PITPNM3: variants seen among roughly 807,000 people sequenced by gnomAD.
PITPNM3 encodes the protein membrane-associated phosphatidylinositol transfer protein 3.
Under a neutral mutation model 102.0 loss-of-function variants are expected in PITPNM3, and 26 were observed. The ratio of observed to expected loss-of-function variants is 0.25; its 90% CI spans 0.19 to 0.35. The LOEUF is 0.35. Ranked by LOEUF, PITPNM3 falls within the 10% of genes least tolerant of loss-of-function variation. PITPNM3 has a pLI of 1.00. For synonymous variants in PITPNM3, 578 were observed against 558.6 expected, an observed-to-expected ratio of 1.03 and a Z score of -0.49; for missense variants, 1,083 against 1,346.1, an observed-to-expected ratio of 0.80 and a Z score of 3.06.
chr17:6,548,376 G>A (rs377323898), intron 1 of PITPNM3, among the ~76,000 whole-genome samples: 4 of 152,160 alleles, frequency 2.6e-5, no homozygotes, highest in South Asian at 2.1e-4. Context: ...GCTGCGAGGG[G>A]TAAACACACA....
In PITPNM3 at chr17:6,460,947, GC is replaced by G. The variant is rs201859783; in HGVS notation, c.2490+425del. 1.7e-3 allele frequency: 505 copies of G among 292,956 alleles called. 4 individuals carry two copies. Among genetic ancestry groups the G allele is most frequent in the African/African-American group, 0.01 (471 of 45,236 alleles). The allele number at this position is 292,956 out of a possible 1,614,324, so 18.1% of individuals were successfully genotyped here. Reference sequence around the variant, plus strand: ...CCTGGTGCTGCTAGTGGGAACCATAGCTTCGGTCATGGAAAGCACATCTGGG... The same window carrying G: ...CCTGGTGCTGCTAGTGGGAACCATAGTTCGGTCATGGAAAGCACATCTGGG... On this transcript the variant is annotated intron_variant, in intron 18 of 19. Coordinates refer to ENST00000262483, the MANE Select transcript of PITPNM3 (RefSeq NM_031220.4).
chr17:6,497,381 C>A (rs1056068656), intron 4 of PITPNM3, among the ~76,000 whole-genome samples: 7 of 152,192 alleles, frequency 4.6e-5, no homozygotes, highest in African/African-American at 1.7e-4. Flanking sequence ...GTGAGCTGAG[C>A]CATCTACATC....
intron 4 of PITPNM3, among the ~76,000 whole-genome samples, chr17:6,496,306 C>G (rs906564717): frequency 6.6e-6 from 1 of 152,160 alleles, no homozygotes; most frequent in Non-Finnish European, 1.5e-5. Flanking sequence ...CCTCTCCAGG[C>G]TTCTCTTATC....
At chr17:6,460,525 T>C (rs992759064) in intron 18 of PITPNM3, 2 of 152,330 alleles carry the variant, frequency 1.3e-5, no homozygotes, top group African/African-American at 4.8e-5. Context: ...TGCTGTTGTA[T>C]TGCAAAAGCA....
chr17:6,470,357 G>T lies in PITPNM3; in HGVS notation c.1676C>A (p.Pro559His). The T allele has an allele frequency of 6.2e-7, 1 of 1,614,190 alleles. No individual in the cohort carries two copies. The change falls in exon 13 of 20, where the codon CCT becomes CAT. Residue 559 changes from proline to histidine, a missense_variant. Physicochemically the swap from Pro to His is moderately conservative, Grantham distance 77 (BLOSUM62 -2). This residue lies in a region of PITPNM3 where 410 missense variants were observed against 638.4 expected (regional missense o/e 0.64). Coordinates refer to ENST00000262483, the MANE Select transcript of PITPNM3 (RefSeq NM_031220.4). This position sits in a 1 kb window ranked among gnomAD's most constrained non-coding sequence, Gnocchi z 4.8. The part of the protein sequence containing the change: ...SKRIDYALYC[P>H]DVLTAFPTVA... ...GGTGGGGAAGGCCGTGAGGACATCA[G>T]GGCAGTACAGGGCATAGTCGATCCT...
At chr17:6,471,107 A>G (rs1378032811) in intron 12 of PITPNM3, 54 bp downstream of exon 12, 1 of 1,594,906 alleles carries the variant, frequency 6.3e-7, no homozygotes, top group African/African-American at 1.3e-5. Context: ...AAACACCCAG[A>G]GGAAGGTTCC....
chr17:6,463,604 C>T (rs1038600346), intron 17 of PITPNM3, 128 bp downstream of exon 17: 2 of 1,348,850 alleles, frequency 1.5e-6, no homozygotes, highest in African/African-American at 1.4e-5. Context: ...AAAGCCAGGG[C>T]TTCTCAGCTC....
intron 1 of PITPNM3, among the ~76,000 whole-genome samples, chr17:6,550,546 C>T (rs146747174): frequency 4.1e-4 from 62 of 152,304 alleles, no homozygotes; most frequent in Non-Finnish European, 5.6e-4. Flanking sequence ...GAAAGGATGC[C>T]GGATCTCAAA....
intron 1 of PITPNM3, among the ~76,000 whole-genome samples, chr17:6,542,145 C>A (rs532447527): frequency 3.3e-5 from 5 of 152,334 alleles, no homozygotes; most frequent in Admixed American, 2.0e-4. Context: ...CAGAGGCCTG[C>A]CCCTGGCTCC....
intron 3 of PITPNM3, among the ~76,000 whole-genome samples, chr17:6,514,025 A>C (rs1456239983): frequency 6.6e-6 from 1 of 152,238 alleles, no homozygotes; most frequent in African/African-American, 2.4e-5. Context: ...AATGGATGAG[A>C]GATAGTCTTT....
chr17:6,476,274 T>C (rs183046277), intron 9 of PITPNM3, among the ~76,000 whole-genome samples: 2 of 152,240 alleles, frequency 1.3e-5, no homozygotes, highest in Admixed American at 1.3e-4. Flanking sequence ...AATGTTGTAA[T>C]GACCTCATGA....
chr17:6,475,246 A>C (rs1905250262), intron 9 of PITPNM3, among the ~76,000 whole-genome samples: 1 of 152,140 alleles, frequency 6.6e-6, no homozygotes, highest in South Asian at 2.1e-4. Context: ...GCTTAAGGAG[A>C]AAAATGTGAG....
intron 4 of PITPNM3, 84 bp from the exon 5 acceptor site, chr17:6,484,376 G>C: frequency 7.3e-7 from 1 of 1,378,320 alleles, no homozygotes; most frequent in Non-Finnish European, 1.0e-6. Context: ...GGCCCTAAAG[G>C]TGAGACCTTG....
Position 6,470,166 on chromosome 17 carries a change from C to T in PITPNM3, c.1773+94G>A. 1 of 1,393,602 alleles carries T rather than the reference C, an allele frequency of 7.2e-7. No individual in the cohort carries two copies. The highest frequency in any genetic ancestry group is 9.9e-7 in the Non-Finnish European group (1 of 1,015,026). 86.3% of individuals were successfully genotyped at this position (1,393,602 alleles called of 1,614,324 possible). Reference sequence around the variant, plus strand: ...CTTAGGATCAAGGCCAAAAGCTGAACAGTGTCTGCAAGAATAGCCTCCTCT... The same window carrying T: ...CTTAGGATCAAGGCCAAAAGCTGAATAGTGTCTGCAAGAATAGCCTCCTCT... On this transcript the variant is annotated intron_variant, in intron 13 of 19. Transcript: ENST00000262483. The surrounding 1 kb of genome is among the most constrained non-coding windows in gnomAD (Gnocchi z 4.8).
Position 6,457,023 on chromosome 17 carries a change from T to C in PITPNM3, c.2619+571A>G, listed in dbSNP as rs1376434632. 2.0e-5 allele frequency among the ~76,000 whole-genome samples: 3 copies of C among 152,024 alleles called. No individual in the cohort carries two copies. The highest frequency in any genetic ancestry group is 7.2e-5 in the African/African-American group (3 of 41,398). The stretch of plus-strand genomic sequence containing the variant: ...ACACACCTGCTCATCCCACACCCTC[T>C]CAGAGTCCCCACACAGGCCATCTTG... On this transcript the variant is annotated intron_variant, in intron 19 of 19. Transcript: ENST00000262483. This position sits in a 1 kb window ranked among gnomAD's most constrained non-coding sequence, Gnocchi z 4.7.
rs67144965 is a variant in PITPNM3 at position 6,544,625 on chromosome 17, G to GTC, written c.23-6545_23-6544dup. On this transcript the variant is annotated intron_variant, in intron 1 of 19. Transcript: ENST00000262483. ...CAGGGCTGAGGCTCATTTGAATGGTGTCTCTCTCTCTCTCTCTCTCTCTCT... is the reference window on the plus strand; with the variant it reads ...CAGGGCTGAGGCTCATTTGAATGGTGTCTCTCTCTCTCTCTCTCTCTCTCTCT... Among the ~76,000 whole-genome samples, 271 of 137,280 alleles carry GTC rather than the reference G, an allele frequency of 2.0e-3. 2 individuals carry two copies. In the East Asian group the frequency reaches 0.028, roughly 14 times the overall value. 90.1% of individuals were successfully genotyped at this position (137,280 alleles called of 152,430 possible).
rs1373212172 is a variant in PITPNM3, at chr17:6,469,265, C to T, written c.1774-924G>A. Among the ~76,000 whole-genome samples the T allele has an allele frequency of 2.0e-5, 3 of 152,184 alleles. No homozygotes were observed. Among genetic ancestry groups the T allele is most frequent in the Non-Finnish European group, 4.4e-5 (3 of 68,020 alleles). On this transcript the variant is annotated intron_variant, in intron 13 of 19. Transcript: ENST00000262483. The surrounding 1 kb of genome is among the most constrained non-coding windows in gnomAD (Gnocchi z 4.0). ...CTAAGTTCCAGACTCCTCTACTCCCCTTCCGTCCCAGCAACTAAGAGGCAG... is the reference window on the plus strand; with the variant it reads ...CTAAGTTCCAGACTCCTCTACTCCCTTTCCGTCCCAGCAACTAAGAGGCAG...
chr17:6,455,385 C>G lies in PITPNM3; in HGVS notation c.2878G>C (p.Ala960Pro). The change falls in exon 20 of 20, where the codon GCG (alanine) becomes CCG (proline). Residue 960 changes from alanine to proline, a missense_variant. Around this residue, in one of 5 missense-constraint regions of PITPNM3, gnomAD observed 208 missense variants for 178.2 expected, o/e 1.17. Coordinates refer to ENST00000262483, the MANE Select transcript of PITPNM3 (RefSeq NM_031220.4). ...GGGGGCCCACGCGCCCAGCTGAGCG[C>G]CGGCAGCGGCCGCTCGTGGTCTTTG... The part of the protein sequence containing the change: ...SDKDHERPLP[A>P]LSWARGPPKF... 6.3e-7 allele frequency: 1 copy of G among 1,592,260 alleles called. No homozygotes were observed. Among genetic ancestry groups the G allele is most frequent in the South Asian group, 1.1e-5 (1 of 89,182 alleles).
Position 6,451,737 on chromosome 17 carries a change from A to T in PITPNM3, c.*3601T>A, listed in dbSNP as rs1263995170. 6.6e-6 allele frequency: 1 copy of T among 152,216 alleles called. No individual in the cohort carries two copies. Among genetic ancestry groups the T allele is most frequent in the African/African-American group, 2.4e-5 (1 of 41,432 alleles). The allele number at this position is 152,216 out of a possible 1,614,324, so 9.4% of individuals were successfully genotyped here. On this transcript the variant is annotated 3_prime_UTR_variant, in exon 20 of 20. Transcript: ENST00000262483. Reference sequence around the variant, plus strand: ...CAACAAGGAGAGCAGAGCCCAGGTCAGGCCTCACTGCTTGGACTTAACCCT... The same window carrying T: ...CAACAAGGAGAGCAGAGCCCAGGTCTGGCCTCACTGCTTGGACTTAACCCT...
Sources: allele counts gnomAD v4.1 joint callset (sites outside exome capture counted in the v4.1 genomes callset), GRCh38; gene constraint gnomAD v4.1.1; regional missense constraint gnomAD v4.1.1; non-coding constraint Gnocchi (gnomAD v3.1); transcripts MANE v1.5; gene names NCBI Gene and HGNC (gene_info 2026-07-23, HGNC 2026-07-21).